The following GNG7 variants were observed in gnomAD, a reference collection of about 807,000 sequenced individuals.
GNG7 encodes the protein G protein subunit gamma 7, also known as guanine nucleotide-binding protein G(I)/G(S)/G(O) subunit gamma-7.
Under a neutral mutation model 4.0 loss-of-function variants are expected in GNG7, and 1 was observed. The observed-to-expected ratio is 0.25, with a 90% CI of 0.09 to 1.18. The LOEUF is 1.18. Ranked by LOEUF, GNG7 falls within the 50% of genes most tolerant of loss-of-function variation. The probability of loss-of-function intolerance (pLI) is 0.50; values close to 1 mark genes in which losing one functional copy is unlikely to be tolerated. For missense variants in GNG7, 86 were observed against 91.9 expected (o/e 0.94, Z 0.26); for synonymous variants, 34 against 36.9 (o/e 0.92, Z 0.29).
At chr19:2,585,861 C>G (rs1438194990) in intron 2 of GNG7, among the ~76,000 whole-genome samples, 1 of 152,032 alleles carries the variant, frequency 6.6e-6, no homozygotes, top group East Asian at 1.9e-4. Context: ...CCACCACGCC[C>G]GGCTATTTTT....
chr19:2,603,133 C>G (rs1981265570), intron 2 of GNG7, among the ~76,000 whole-genome samples: 1 of 151,946 alleles, frequency 6.6e-6, no homozygotes, highest in African/African-American at 2.4e-5. Flanking sequence ...ATAGCACAGT[C>G]TTGCCTCACT....
chr19:2,681,253 G>C (rs1025658768), intron 1 of GNG7, among the ~76,000 whole-genome samples: 1 of 151,082 alleles, frequency 6.6e-6, no homozygotes, highest in Non-Finnish European at 1.5e-5. Flanking sequence ...GCACGATCTC[G>C]GCTCACTGCA....
intron 3 of GNG7, among the ~76,000 whole-genome samples, chr19:2,540,323 T>A (rs1195317307): frequency 6.6e-6 from 1 of 151,832 alleles, no homozygotes; most frequent in Non-Finnish European, 1.5e-5. Flanking sequence ...CCTAATTTTT[T>A]AATTTTTTGT....
chr19:2,677,075 G>A (rs1309389164), intron 1 of GNG7, among the ~76,000 whole-genome samples: 1 of 152,120 alleles, frequency 6.6e-6, no homozygotes, highest in African/African-American at 2.4e-5. Context: ...TGTCACCACA[G>A]AGGAAAAACG....
At chr19:2,650,718 G>A (rs532496670) in intron 1 of GNG7, among the ~76,000 whole-genome samples, 18 of 152,284 alleles carry the variant, frequency 1.2e-4, no homozygotes, top group African/African-American at 3.1e-4. Context: ...GCCTTGAGCC[G>A]CACCAGCTGG....
At chr19:2,686,171 T>G (rs924967665) in intron 1 of GNG7, among the ~76,000 whole-genome samples, 2 of 151,800 alleles carry the variant, frequency 1.3e-5, no homozygotes, top group Non-Finnish European at 2.9e-5. Flanking sequence ...TTTTTTTTTT[T>G]TTTTGAGACA....
chr19:2,670,764 C>G lies in GNG7; in HGVS notation c.-134-24484G>C, dbSNP rs115650469. ...CCAGGAGCCCTCGCCCCGCCCCCCA[C>G]AAGTTGTGACAACCACAATGTCCCA... On this transcript the variant is annotated intron_variant, in intron 1 of 4. Coordinates refer to ENST00000382159, the MANE Select transcript of GNG7 (RefSeq NM_052847.3). Among the ~76,000 whole-genome samples, 1,491 of 150,816 alleles carry G rather than the reference C, an allele frequency of 9.9e-3. 27 individuals are homozygous for G. Among genetic ancestry groups the G allele is most frequent in the African/African-American group, 0.034 (1,391 of 41,146 alleles).
intron 1 of GNG7, among the ~76,000 whole-genome samples, chr19:2,680,756 T>C (rs1029733784): frequency 6.6e-6 from 1 of 151,914 alleles, no homozygotes; most frequent in African/African-American, 2.4e-5. Flanking sequence ...TGTATTTTAG[T>C]AGAGGCGGGG....
rs369393522 is a variant in GNG7, at chr19:2,573,544, T to G, written c.-77-18356A>C. 3.8e-3 allele frequency among the ~76,000 whole-genome samples: 570 copies of G among 151,528 alleles called. 2 individuals carry two copies. The highest frequency in any genetic ancestry group is 0.014 in the African/African-American group (560 of 41,324). ...CTAAAAGTGGGATTGGGGCTGGGGGTGGTGGCTCACACCTGTAATCCCAGC... is the reference window on the plus strand; with the variant it reads ...CTAAAAGTGGGATTGGGGCTGGGGGGGGTGGCTCACACCTGTAATCCCAGC... On this transcript the variant is annotated intron_variant, in intron 2 of 4. Coordinates refer to ENST00000382159, the MANE Select transcript of GNG7 (RefSeq NM_052847.3).
intron 2 of GNG7, among the ~76,000 whole-genome samples, chr19:2,565,371 AC>A (rs963545487): frequency 2.0e-4 from 30 of 152,020 alleles, no homozygotes; most frequent in African/African-American, 6.8e-4. Flanking sequence ...AATTAGCTGG[AC>A]GTGGTGGCAC....
chr19:2,598,281 T>C (rs575950738), intron 2 of GNG7, among the ~76,000 whole-genome samples: 3 of 152,128 alleles, frequency 2.0e-5, no homozygotes, highest in Admixed American at 6.6e-5. Context: ...CCCAGCACTT[T>C]GGGAGGCCAA....
intron 2 of GNG7, among the ~76,000 whole-genome samples, chr19:2,558,680 T>C (rs1322867223): frequency 6.6e-6 from 1 of 152,194 alleles, no homozygotes; most frequent in East Asian, 1.9e-4. Context: ...TCTCAGATTC[T>C]GTAAAATGAA....
At chr19:2,676,742 G>GT (rs753419884) in intron 1 of GNG7, among the ~76,000 whole-genome samples, 33 of 152,228 alleles carry the variant, frequency 2.2e-4, no homozygotes, top group Non-Finnish European at 4.4e-4. Context: ...GGAACAGCTA[G>GT]TTAGTTATTC....
Position 2,634,807 on chromosome 19 carries a change from C to T in GNG7, c.-78+11417G>A, listed in dbSNP as rs1043960708. 1.4e-4 allele frequency among the ~76,000 whole-genome samples: 22 copies of T among 151,762 alleles called. No individual in the cohort carries two copies. The highest frequency in any genetic ancestry group is 3.2e-4 in the African/African-American group (13 of 41,242). ...GAAATAAACCCGCTCTGACTGGCCG[C>T]GGGGACTGGAGTTTGCTTACCACAC... On this transcript the variant is annotated intron_variant, in intron 2 of 4. Transcript: ENST00000382159. The surrounding 1 kb of genome is among the most constrained non-coding windows in gnomAD (Gnocchi z 5.3).
intron 1 of GNG7, among the ~76,000 whole-genome samples, chr19:2,650,363 A>G (rs768716198): frequency 6.6e-6 from 1 of 151,358 alleles, no homozygotes; most frequent in Non-Finnish European, 1.5e-5. Context: ...CTTTTTTTGT[A>G]TTTTTAGTAG....
At chr19:2,570,288 T>A (rs1394772548) in intron 2 of GNG7, among the ~76,000 whole-genome samples, 3 of 152,140 alleles carry the variant, frequency 2.0e-5, no homozygotes, top group African/African-American at 7.2e-5. Flanking sequence ...GTATGGTCTG[T>A]AGAACTGTAT....
At position 2,546,180 on chromosome 19, in the gene GNG7, T is replaced by A. The variant is rs2144752276; in HGVS notation, c.-38+8969A>T. 6.6e-6 allele frequency among the ~76,000 whole-genome samples: 1 copy of A among 152,242 alleles called. No individual in the cohort carries two copies. The highest frequency in any genetic ancestry group is 2.4e-5 in the African/African-American group (1 of 41,562). On this transcript the variant is annotated intron_variant, in intron 3 of 4. Transcript: ENST00000382159. This position sits in a 1 kb window ranked among gnomAD's most constrained non-coding sequence, Gnocchi z 6.3. ...CGGGGAGCCCGACTGAAATGGAAAC[T>A]TCAATACAAGAGACAGGTCTGAGAC...
At chr19:2,552,915 A>G (rs1273242979) in intron 3 of GNG7, among the ~76,000 whole-genome samples, 7 of 150,038 alleles carry the variant, frequency 4.7e-5, no homozygotes, top group Non-Finnish European at 1.0e-4. Flanking sequence ...CCTGGGGCCA[A>G]AAAGGTTGAG....
At chr19:2,652,943 A>G (rs1982869164) in intron 1 of GNG7, among the ~76,000 whole-genome samples, 1 of 151,964 alleles carries the variant, frequency 6.6e-6, no homozygotes, top group Non-Finnish European at 1.5e-5. Flanking sequence ...CCTGGGCAAC[A>G]TAGCAAGACC....
Sources: allele counts gnomAD v4.1 joint callset (sites outside exome capture counted in the v4.1 genomes callset), GRCh38; gene constraint gnomAD v4.1.1; non-coding constraint Gnocchi (gnomAD v3.1); transcripts MANE v1.5; gene names NCBI Gene and HGNC (gene_info 2026-07-23, HGNC 2026-07-21).